The following CYP2F1 variants were observed in gnomAD, a reference collection of about 807,000 sequenced individuals.
The protein encoded by CYP2F1 is cytochrome P450 family 2 subfamily F member 1, also known as cytochrome P450 2F1.
Under a neutral mutation model 40.4 loss-of-function variants are expected in CYP2F1, and 33 were observed. The observed-to-expected ratio is 0.82, with a 90% CI of 0.62 to 1.09. The LOEUF (loss-of-function observed/expected upper bound fraction) is 1.09. Ranked by LOEUF, CYP2F1 falls within the 50% of genes least tolerant of loss-of-function variation. CYP2F1 has a pLI of 0.00. For missense variants in CYP2F1, 566 were observed against 655.7 expected (o/e 0.86, Z 1.49); for synonymous variants, 235 against 277.2 (o/e 0.85, Z 1.51).
intron 3 of CYP2F1, among the ~76,000 whole-genome samples, chr19:41,117,125 C>T (rs1292708665): frequency 1.3e-5 from 2 of 151,844 alleles, no homozygotes; most frequent in East Asian, 1.9e-4. Context: ...TCCCTTTAGT[C>T]AAACTGAATT....
chr19:41,127,338 C>T (rs1457913253), intron 9 of CYP2F1, among the ~76,000 whole-genome samples: 1 of 152,082 alleles, frequency 6.6e-6, no homozygotes, highest in Non-Finnish European at 1.5e-5. Flanking sequence ...TACTATCCCT[C>T]CTTTTATTTT....
Position 41,117,910 on chromosome 19 carries a change from C to T in CYP2F1, c.334+1293C>T, listed in dbSNP as rs533396084. Among the ~76,000 whole-genome samples the T allele has an allele frequency of 3.1e-4, 47 of 152,102 alleles. 1 individual carries two copies. In the South Asian group the frequency reaches 6.9e-3, roughly 22 times the overall value. On this transcript the variant is annotated intron_variant, in intron 3 of 9. Transcript: ENST00000331105. ...TGTTGCCCAGGCTGGAAAGCAATGA[C>T]GCAATCTCAGCTCACTGCAATCTCC...
chr19:41,121,618 G>C lies in CYP2F1; in HGVS notation c.645G>C (p.Glu215Asp). ...NFQIMSSPWG[E>D]LYDIFPSLLD... is the part of the protein sequence containing the mutation. ...AAATCATGAGCAGCCCCTGGGGCGA[G>C]GTCAGCCAACTGAGTCCAGCAGGGG... The change falls in exon 5 of 10, where the codon GAG becomes GAC. Residue 215 changes from glutamate to aspartate, a missense_variant and splice_region_variant. This residue lies in a region of CYP2F1 where 264 missense variants were observed against 275.7 expected (regional missense o/e 0.96). Transcript: ENST00000331105. 5 of 1,609,146 alleles carry C rather than the reference G, an allele frequency of 3.1e-6. 1 individual carries two copies. Among genetic ancestry groups the C allele is most frequent in the Non-Finnish European group, 4.2e-6 (5 of 1,179,272 alleles).
At chr19:41,121,334 GT>G in intron 4 of CYP2F1, 123 bp from the exon 5 acceptor site, 2 of 1,000,474 alleles carry the variant, frequency 2.0e-6, no homozygotes, top group South Asian at 3.0e-5. Flanking sequence ...ATGTCCCCGT[GT>G]TTGCACCGTA....
chr19:41,125,655 C>A, intron 9 of CYP2F1, 21 bp downstream of exon 9: 2 of 1,613,836 alleles, frequency 1.2e-6, no homozygotes, highest in Non-Finnish European at 1.7e-6. Flanking sequence ...GAATCAGAGT[C>A]TTTCTGGCCC....
At chr19:41,120,249 T>A (rs2032108266) in intron 3 of CYP2F1, 98 bp from the exon 4 acceptor site, 1 of 1,252,028 alleles carries the variant, frequency 8.0e-7, no homozygotes, top group African/African-American at 1.5e-5. Context: ...GATTCCAAAC[T>A]CTGTCTCTCT....
At chr19:41,117,400 G>A (rs2031884186) in intron 3 of CYP2F1, among the ~76,000 whole-genome samples, 1 of 152,034 alleles carries the variant, frequency 6.6e-6, no homozygotes, top group Non-Finnish European at 1.5e-5. Flanking sequence ...CCAACGTGCT[G>A]GGATTACAGG....
chr19:41,119,715 C>CTATA (rs2032037543), intron 3 of CYP2F1, among the ~76,000 whole-genome samples: 1 of 40,530 alleles, frequency 2.5e-5, no homozygotes, highest in African/African-American at 9.1e-5. Flanking sequence ...CTCTCTCTCT[C>CTATA]TCTCTCTCTA....
intron 3 of CYP2F1, among the ~76,000 whole-genome samples, chr19:41,119,218 G>C (rs1487693754): frequency 6.6e-6 from 1 of 152,200 alleles, no homozygotes; most frequent in African/African-American, 2.4e-5. Context: ...AAGATTCTGG[G>C]TCCAGGAAGA....
At position 41,127,414 on chromosome 19, in the gene CYP2F1, C is replaced by T. The variant is rs544773554; in HGVS notation, c.1295-487C>T. On this transcript the variant is annotated intron_variant, in intron 9 of 9. Coordinates refer to ENST00000331105, the MANE Select transcript of CYP2F1 (RefSeq NM_000774.5). ...GCAGTGGCACGATCATGGCTCACTG[C>T]AGCCTTGATCTCCTGGGCTCAAGTG... 1.2e-4 allele frequency among the ~76,000 whole-genome samples: 19 copies of T among 152,286 alleles called. 1 individual carries two copies. Among genetic ancestry groups the T allele is most frequent in the African/African-American group, 4.6e-4 (19 of 41,564 alleles).
intron 7 of CYP2F1, 125 bp from the exon 8 acceptor site, chr19:41,124,594 A>G (rs2032435804): frequency 1.0e-5 from 9 of 861,912 alleles, no homozygotes; most frequent in South Asian, 8.7e-5. Context: ...GCGCCCCAGC[A>G]GTGGCGCCCC....
At chr19:41,127,016 G>A (rs1174846894) in intron 9 of CYP2F1, among the ~76,000 whole-genome samples, 3 of 152,116 alleles carry the variant, frequency 2.0e-5, no homozygotes, top group Non-Finnish European at 2.9e-5. Flanking sequence ...CCTACTGTGC[G>A]TCAAGTGCTG....
chr19:41,116,542 G>A lies in CYP2F1; in HGVS notation c.259G>A (p.Ala87Thr). Residue 87 changes from alanine (A) to threonine (T), a missense_variant, in exon 3 of 10, where the codon GCC becomes ACC. Physicochemically the swap from Ala to Thr is moderately conservative, Grantham distance 58. This residue lies in a region of CYP2F1 where 264 missense variants were observed against 275.7 expected (regional missense o/e 0.96). Coordinates refer to ENST00000331105, the MANE Select transcript of CYP2F1 (RefSeq NM_000774.5). The part of the protein sequence containing the change: ...VLSGYQAVKE[A>T]LVDQGEEFSG... ...CAGCGGGTACCAAGCTGTGAAGGAG[G>A]CCCTGGTGGACCAGGGAGAGGAGTT... 2 of 1,613,998 alleles carry A rather than the reference G, an allele frequency of 1.2e-6. No homozygotes were observed. Among genetic ancestry groups the A allele is most frequent in the Non-Finnish European group, 1.7e-6 (2 of 1,179,948 alleles).
At chr19:41,119,723 CTATATATATATA>C (rs1290627675) in intron 3 of CYP2F1, among the ~76,000 whole-genome samples, 2 of 35,806 alleles carry the variant, frequency 5.6e-5, no homozygotes, top group Non-Finnish European at 1.0e-4. Flanking sequence ...CTCTCTCTCT[CTATATATATATA>C]TATATATATA....
At chr19:41,115,824 G>T (rs1207422573) in intron 1 of CYP2F1, among the ~76,000 whole-genome samples, 2 of 152,132 alleles carry the variant, frequency 1.3e-5, no homozygotes, top group African/African-American at 4.8e-5. Flanking sequence ...AAGAGTGATA[G>T]ATGATAGATG....
rs763739930 is a variant in CYP2F1, at chr19:41,127,938, G to T, written c.1332G>T (p.Met444Ile). Residue 444 changes from methionine (M) to isoleucine (I), a missense_variant, in exon 10 of 10, where the codon ATG becomes ATT. Around this residue, in one of 5 missense-constraint regions of CYP2F1, gnomAD observed 85 missense variants for 84.9 expected, o/e 1.00. Coordinates refer to ENST00000331105, the MANE Select transcript of CYP2F1 (RefSeq NM_000774.5). ...RLCLGESLAR[M>I]ELFLYLTAIL... ...GCCTGGGAGAGTCGCTGGCGCGCATGGAGCTCTTTCTGTACCTCACCGCCA... is the reference window on the plus strand; with the variant it reads ...GCCTGGGAGAGTCGCTGGCGCGCATTGAGCTCTTTCTGTACCTCACCGCCA... The T allele has an allele frequency of 8.1e-6, 13 of 1,613,144 alleles. No homozygotes were observed. The highest frequency in any genetic ancestry group is 1.0e-5 in the Non-Finnish European group (12 of 1,179,924).
Position 41,116,177 on chromosome 19 carries a change from G to A in CYP2F1, c.-11-1G>A, listed in dbSNP as rs878896760. ...CCACTTTGCCCTCCACACGCCAGCA[G>A]CTGCCTTCACCATGGACAGCATAAG... On this transcript the variant is annotated splice_acceptor_variant, in intron 1 of 9. Coordinates refer to ENST00000331105, the MANE Select transcript of CYP2F1 (RefSeq NM_000774.5). LOFTEE classifies it low-confidence loss of function (5UTR_SPLICE). 1.2e-6 allele frequency: 2 copies of A among 1,605,978 alleles called. No individual in the cohort carries two copies. Among genetic ancestry groups the A allele is most frequent in the Non-Finnish European group, 1.7e-6 (2 of 1,176,960 alleles).
In CYP2F1 at chr19:41,116,576, G is replaced by C. The variant is rs57670668; in HGVS notation, c.293G>C (p.Arg98Pro). 19,547 of 1,613,968 alleles carry C rather than the reference G, an allele frequency of 0.012. 158 individuals are homozygous for C. Among genetic ancestry groups the C allele is most frequent in the Non-Finnish European group, 0.014 (16,584 of 1,179,954 alleles). Residue 98 changes from arginine to proline, a missense_variant, in exon 3 of 10, where the codon CGC (arginine) becomes CCC (proline). Physicochemically the swap from Arg to Pro is moderately radical, Grantham distance 103. Around this residue, in one of 5 missense-constraint regions of CYP2F1, gnomAD observed 264 missense variants for 275.7 expected, o/e 0.96. Coordinates refer to ENST00000331105, the MANE Select transcript of CYP2F1 (RefSeq NM_000774.5). ...LVDQGEEFSG[R>P]GDYPAFFNFT... ...GACCAGGGAGAGGAGTTTAGTGGCC[G>C]CGGTGACTACCCTGCCTTTTTCAAC...
At chr19:41,123,509 C>T (rs1262220284) in intron 7 of CYP2F1, among the ~76,000 whole-genome samples, 1 of 151,906 alleles carries the variant, frequency 6.6e-6, no homozygotes, top group Non-Finnish European at 1.5e-5. Context: ...TGAGCCACTA[C>T]ACCCAGCTCT....
Sources: gnomAD v4.1 joint callset for allele counts (sites outside exome capture counted in the v4.1 genomes callset) on GRCh38, gnomAD v4.1.1 for gene constraint, gnomAD v4.1.1 regional missense constraint, MANE v1.5 for transcripts, NCBI Gene and HGNC (gene_info 2026-07-23, HGNC 2026-07-21) for gene names.